SCEL: variants seen among roughly 807,000 people sequenced by gnomAD.
SCEL encodes sciellin.
Under a neutral mutation model 117.6 loss-of-function variants are expected in SCEL, and 113 were observed. The observed-to-expected ratio is 0.96, with a 90% CI of 0.83 to 1.12. The LOEUF (loss-of-function observed/expected upper bound fraction) is 1.12. SCEL is among the 50% of genes most tolerant of loss of function. SCEL has a pLI of 0.00. For missense variants in SCEL, 785 were observed against 810.8 expected (o/e 0.97, Z 0.39); for synonymous variants, 270 against 256.2 (o/e 1.05, Z -0.51).
At chr13:77,541,213 T>C (rs902064701) in intron 1 of SCEL, among the ~76,000 whole-genome samples, 2 of 152,124 alleles carry the variant, frequency 1.3e-5, no homozygotes, top group African/African-American at 4.8e-5. Context: ...TATATAATAA[T>C]TGTCAATGGA....
intron 13 of SCEL, 33 bp from the exon 14 acceptor site, chr13:77,599,296 T>C: frequency 6.5e-7 from 1 of 1,536,834 alleles, no homozygotes; most frequent in Non-Finnish European, 9.0e-7. Context: ...TCATTATCAC[T>C]GATGAGGCTT....
At chr13:77,596,419 C>T (rs2087232533) in intron 12 of SCEL, among the ~76,000 whole-genome samples, 1 of 151,914 alleles carries the variant, frequency 6.6e-6, no homozygotes, top group Admixed American at 6.6e-5. Flanking sequence ...CCAAATTAAT[C>T]AGGAATTTAT....
intron 9 of SCEL, among the ~76,000 whole-genome samples, chr13:77,588,490 G>A (rs564734091): frequency 6.6e-6 from 1 of 152,126 alleles, no homozygotes; most frequent in Non-Finnish European, 1.5e-5. Context: ...CATACTCTTA[G>A]TAAGGTGCTG....
chr13:77,546,490 G>A (rs569145495), intron 1 of SCEL, among the ~76,000 whole-genome samples: 1 of 152,066 alleles, frequency 6.6e-6, no homozygotes, highest in Non-Finnish European at 1.5e-5. Flanking sequence ...TAAAACATGT[G>A]GTACAGCCGG....
At chr13:77,564,256 T>C (rs2085158749) in intron 5 of SCEL, among the ~76,000 whole-genome samples, 1 of 151,540 alleles carries the variant, frequency 6.6e-6, no homozygotes, top group African/African-American at 2.4e-5. Flanking sequence ...TCCACACTGA[T>C]GGTGGAAAAA....
At chr13:77,571,776 C>T (rs2085648780) in intron 8 of SCEL, among the ~76,000 whole-genome samples, 2 of 151,242 alleles carry the variant, frequency 1.3e-5, no homozygotes, top group African/African-American at 4.9e-5. Flanking sequence ...ATAGTTCAGA[C>T]AAGCAGAAAA....
chr13:77,584,142 A>T (rs1436493382), intron 9 of SCEL, among the ~76,000 whole-genome samples: 1 of 152,192 alleles, frequency 6.6e-6, no homozygotes, highest in African/African-American at 2.4e-5. Context: ...TTCAATGAAG[A>T]TCATTCCAAT....
At position 77,626,157 on chromosome 13, in the gene SCEL, A is replaced by G. The variant is rs2066584344; in HGVS notation, c.1629-1790A>G. Reference sequence around the variant, plus strand: ...TGGTGGAAGGTGAAGGAGGAGCAAAAGTATGTCTTATGTGGTGGCAGGCAA... The same window carrying G: ...TGGTGGAAGGTGAAGGAGGAGCAAAGGTATGTCTTATGTGGTGGCAGGCAA... On this transcript the variant is annotated intron_variant, in intron 27 of 32. Transcript: ENST00000349847. Among the ~76,000 whole-genome samples, 3 of 152,108 alleles carry G rather than the reference A, an allele frequency of 2.0e-5. No homozygotes were observed. The South Asian group carries it at 6.2e-4, about 32-fold the overall frequency.
intron 10 of SCEL, among the ~76,000 whole-genome samples, chr13:77,589,725 T>C (rs1240000451): frequency 6.6e-6 from 1 of 152,170 alleles, no homozygotes; most frequent in African/African-American, 2.4e-5. Context: ...AGTTCTTTAA[T>C]CTTTTTTTAC....
chr13:77,584,826 T>C (rs1389202258), intron 9 of SCEL, among the ~76,000 whole-genome samples: 3 of 152,200 alleles, frequency 2.0e-5, no homozygotes, highest in Non-Finnish European at 4.4e-5. Context: ...ACTGTATCAC[T>C]TGATGCATAC....
chr13:77,616,239 A>G (rs898506091), intron 24 of SCEL, among the ~76,000 whole-genome samples: 5 of 152,000 alleles, frequency 3.3e-5, no homozygotes, highest in African/African-American at 1.2e-4. Flanking sequence ...TGACACATAA[A>G]TATTATCTGT....
intron 12 of SCEL, 136 bp from the exon 13 acceptor site, chr13:77,597,409 A>G: frequency 1.7e-6 from 1 of 573,240 alleles, no homozygotes; most frequent in Non-Finnish European, 3.1e-6. Context: ...GCGAGCTTTG[A>G]GGATCATCAG....
chr13:77,567,639 T>A lies in SCEL; in HGVS notation c.291-41T>A, dbSNP rs183072281. 5.7e-5 allele frequency: 81 copies of A among 1,419,950 alleles called. No homozygotes were observed. In the East Asian group the frequency reaches 1.8e-3, roughly 31 times the overall value. The allele number at this position is 1,419,950 out of a possible 1,614,324, so 88.0% of individuals were successfully genotyped here. Reference sequence around the variant, plus strand: ...AATGGTCTGAAAGGAGTTTGATAATTTAAATATTTATCCAGACTTTTGTCT... The same window carrying A: ...AATGGTCTGAAAGGAGTTTGATAATATAAATATTTATCCAGACTTTTGTCT... On this transcript the variant is annotated intron_variant, in intron 5 of 32. Coordinates refer to ENST00000349847, the MANE Select transcript of SCEL (RefSeq NM_144777.3).
chr13:77,627,934 T>C lies in SCEL; in HGVS notation c.1629-13T>C. On this transcript the variant is annotated splice_polypyrimidine_tract_variant and intron_variant, in intron 27 of 32. Transcript: ENST00000349847. ...TGTTGTAATTATTCATATATATATA[T>C]TTTTTTCCTTAGAGACCAGAACCTG... 8.2e-7 allele frequency: 1 copy of C among 1,223,988 alleles called. No homozygotes were observed. Among genetic ancestry groups the C allele is most frequent in the Non-Finnish European group, 1.2e-6 (1 of 865,366 alleles). The allele number at this position is 1,223,988 out of a possible 1,614,324, so 75.8% of individuals were successfully genotyped here. A position where few individuals can be genotyped will look rare whatever the true frequency, so the allele number is the denominator to read the frequency against.
chr13:77,557,954 A>G (rs144189612), intron 3 of SCEL, among the ~76,000 whole-genome samples: 1 of 152,336 alleles, frequency 6.6e-6, no homozygotes, highest in East Asian at 1.9e-4. Flanking sequence ...ATTGAGTATT[A>G]TTTCAAGGAA....
At chr13:77,612,705 T>C (rs45570442) in intron 22 of SCEL, among the ~76,000 whole-genome samples, 186 bp from the exon 23 acceptor site, 9,504 of 151,996 alleles carry the variant, frequency 0.063, 361 homozygotes, top group East Asian at 0.088. Context: ...TAAATTAAAT[T>C]ATCATATATA....
At chr13:77,596,095 G>A (rs1238880536) in intron 12 of SCEL, among the ~76,000 whole-genome samples, 2 of 152,204 alleles carry the variant, frequency 1.3e-5, no homozygotes, top group Non-Finnish European at 2.9e-5. Flanking sequence ...CACTTTGGGA[G>A]GCTGAGGTGG....
intron 29 of SCEL, among the ~76,000 whole-genome samples, chr13:77,636,202 G>A (rs558730759): frequency 2.6e-5 from 4 of 152,212 alleles, no homozygotes; most frequent in African/African-American, 4.8e-5. Context: ...CTTCTTTGTC[G>A]TTTCCTAACC....
At chr13:77,603,024 G>A (rs991195968) in intron 17 of SCEL, 52 bp from the exon 18 acceptor site, 1 of 1,000,832 alleles carries the variant, frequency 1.0e-6, no homozygotes, top group African/African-American at 1.6e-5. Flanking sequence ...AGATGTATGT[G>A]TCTAATATTA....
Sources: allele counts gnomAD v4.1 joint callset (sites outside exome capture counted in the v4.1 genomes callset), GRCh38; gene constraint gnomAD v4.1.1; transcripts MANE v1.5; gene names NCBI Gene and HGNC (gene_info 2026-07-23, HGNC 2026-07-21).